The following PITPNC1 variants were observed in gnomAD, a reference collection of about 807,000 sequenced individuals.
PITPNC1 encodes the protein phosphatidylinositol transfer protein cytoplasmic 1, also known as cytoplasmic phosphatidylinositol transfer protein 1.
In PITPNC1, 18 loss-of-function variants were observed where a neutral mutation model predicts 44.7. The ratio of observed to expected loss-of-function variants is 0.40; its 90% CI spans 0.28 to 0.60. PITPNC1 has a LOEUF of 0.60. Among genes scored for constraint, PITPNC1 ranks in the 20% least tolerant of loss-of-function variants. PITPNC1 has a pLI of 0.39. For synonymous variants in PITPNC1, 141 were observed against 149.6 expected (o/e 0.94, Z 0.42); for missense variants, 290 against 418.4 (o/e 0.69, Z 2.68).
chr17:67,640,015 G>T (rs1221820349), intron 6 of PITPNC1, among the ~76,000 whole-genome samples: 1 of 152,086 alleles, frequency 6.6e-6, no homozygotes, highest in East Asian at 1.9e-4. Flanking sequence ...CTAATGGCCA[G>T]ATTTAACACA....
chr17:67,462,813 C>A (rs996762713), intron 1 of PITPNC1, among the ~76,000 whole-genome samples: 11 of 151,320 alleles, frequency 7.3e-5, no homozygotes, highest in African/African-American at 2.7e-4. Context: ...AGCGATTCTC[C>A]TGCCTCAGCC....
intron 1 of PITPNC1, among the ~76,000 whole-genome samples, chr17:67,476,831 T>C (rs1224398310): frequency 6.6e-6 from 1 of 152,032 alleles, no homozygotes; most frequent in African/African-American, 2.4e-5. Flanking sequence ...TCCTGGGCTG[T>C]GATTCTAACC....
At chr17:67,440,624 C>T (rs762568312) in intron 1 of PITPNC1, among the ~76,000 whole-genome samples, 5 of 151,672 alleles carry the variant, frequency 3.3e-5, no homozygotes, top group African/African-American at 7.3e-5. Context: ...CTCTACCTCT[C>T]CAAGCTTGGG....
chr17:67,553,829 C>T (rs536547551), intron 4 of PITPNC1, among the ~76,000 whole-genome samples: 3 of 152,290 alleles, frequency 2.0e-5, no homozygotes, highest in East Asian at 1.9e-4. Context: ...TAATTGAAAT[C>T]GCCTTGATAG....
At chr17:67,478,093 C>T (rs1215019450) in intron 1 of PITPNC1, among the ~76,000 whole-genome samples, 2 of 152,132 alleles carry the variant, frequency 1.3e-5, no homozygotes, top group Non-Finnish European at 2.9e-5. Flanking sequence ...GAGGCAGTGC[C>T]TTTTCCTCTT....
intron 1 of PITPNC1, among the ~76,000 whole-genome samples, chr17:67,431,161 C>A (rs1046923452): frequency 1.3e-5 from 2 of 150,656 alleles, no homozygotes; most frequent in Non-Finnish European, 2.9e-5. Flanking sequence ...CGGGTTCAAG[C>A]GATTCTCATG....
At position 67,443,896 on chromosome 17, in the gene PITPNC1, A is replaced by G. The variant is rs2039054727; in HGVS notation, c.48+65694A>G. 4.6e-5 allele frequency among the ~76,000 whole-genome samples: 7 copies of G among 151,914 alleles called. 1 individual carries two copies. Among genetic ancestry groups the G allele is most frequent in the Admixed American group, 4.6e-4 (7 of 15,216 alleles). Reference sequence around the variant, plus strand: ...GTGATCTGCCTGCCTCAGCCTCCCAAAGTGCTGGGATTACAGGCGTGAGTC... The same window carrying G: ...GTGATCTGCCTGCCTCAGCCTCCCAGAGTGCTGGGATTACAGGCGTGAGTC... On this transcript the variant is annotated intron_variant, in intron 1 of 8. Transcript: ENST00000581322.
At chr17:67,563,465 C>T (rs1418311329) in intron 4 of PITPNC1, among the ~76,000 whole-genome samples, 3 of 152,130 alleles carry the variant, frequency 2.0e-5, no homozygotes, top group Admixed American at 6.6e-5. Context: ...ATGTTAGGCC[C>T]GTTGTAAAGT....
rs2642058 is a variant in PITPNC1 at position 67,597,479 on chromosome 17, G to A, written c.366+19222G>A. ...TGAGGCAGGAGAATCACTTGAATAC[G>A]GGAGGTGGAGGTTGCAGTGAGCTGA... On this transcript the variant is annotated intron_variant, in intron 5 of 8. Coordinates refer to ENST00000581322, the MANE Select transcript of PITPNC1 (RefSeq NM_012417.4). The surrounding 1 kb of genome is among the most constrained non-coding windows in gnomAD (Gnocchi z 4.0). Among the ~76,000 whole-genome samples the A allele has an allele frequency of 0.34, 51,589 of 151,886 alleles. 9,272 individuals are homozygous for A. The highest frequency in any genetic ancestry group is 0.46 in the East Asian group (2,351 of 5,110).
chr17:67,383,486 C>T (rs186270164), intron 1 of PITPNC1, among the ~76,000 whole-genome samples: 3 of 152,190 alleles, frequency 2.0e-5, no homozygotes, highest in Non-Finnish European at 4.4e-5. Flanking sequence ...AACCTTGTGT[C>T]TGCTTAGCGG....
chr17:67,442,404 G>C (rs2039028984), intron 1 of PITPNC1, among the ~76,000 whole-genome samples: 1 of 151,064 alleles, frequency 6.6e-6, no homozygotes, highest in African/African-American at 2.4e-5. Context: ...ATGAGGTGGT[G>C]GGAGATGACG....
chr17:67,416,001 A>C (rs1343157886), intron 1 of PITPNC1, among the ~76,000 whole-genome samples: 1 of 152,150 alleles, frequency 6.6e-6, no homozygotes, highest in African/African-American at 2.4e-5. Flanking sequence ...GTTAGGTTGA[A>C]GAACAATTGT....
chr17:67,409,990 CGTGA>C (rs1244642012), intron 1 of PITPNC1, among the ~76,000 whole-genome samples: 19 of 152,300 alleles, frequency 1.2e-4, no homozygotes, highest in South Asian at 6.2e-4. Context: ...AACGTGCGTG[CGTGA>C]GTTTCTCTCC....
At chr17:67,430,057 G>C (rs73996715) in intron 1 of PITPNC1, among the ~76,000 whole-genome samples, 1,855 of 152,268 alleles carry the variant, frequency 0.012, 44 homozygotes, top group African/African-American at 0.043. Flanking sequence ...TAATTTTTCT[G>C]AACTTCTTTT....
At chr17:67,511,993 T>C (rs1292673282) in intron 1 of PITPNC1, among the ~76,000 whole-genome samples, 1 of 152,238 alleles carries the variant, frequency 6.6e-6, no homozygotes, top group Non-Finnish European at 1.5e-5. Flanking sequence ...CCTGGTCTCC[T>C]GCTGATGATG....
intron 6 of PITPNC1, among the ~76,000 whole-genome samples, chr17:67,639,360 G>C (rs1315783399): frequency 1.3e-5 from 2 of 152,164 alleles, no homozygotes; most frequent in Non-Finnish European, 2.9e-5. Flanking sequence ...GATTATGTCA[G>C]CCCTCAAAGG....
At chr17:67,664,216 C>T (rs780429506) in intron 6 of PITPNC1, among the ~76,000 whole-genome samples, 12 of 152,266 alleles carry the variant, frequency 7.9e-5, no homozygotes, top group East Asian at 3.9e-4. Flanking sequence ...CCACCCACCT[C>T]GGCTTCCCAA....
chr17:67,629,189 A>T (rs2041932883), intron 5 of PITPNC1, among the ~76,000 whole-genome samples: 1 of 141,932 alleles, frequency 7.0e-6, no homozygotes, highest in South Asian at 2.2e-4. Context: ...AACCTTTTTA[A>T]CTACTTTTGT....
At chr17:67,573,655 C>T (rs904281633) in intron 4 of PITPNC1, among the ~76,000 whole-genome samples, 3 of 148,660 alleles carry the variant, frequency 2.0e-5, no homozygotes, top group Non-Finnish European at 4.4e-5. Flanking sequence ...CCCCGCCTCC[C>T]GGGTTCAAGC....
Sources: gnomAD v4.1 joint callset for allele counts (sites outside exome capture counted in the v4.1 genomes callset) on GRCh38, gnomAD v4.1.1 for gene constraint, Gnocchi (gnomAD v3.1) non-coding constraint, MANE v1.5 for transcripts, NCBI Gene and HGNC (gene_info 2026-07-23, HGNC 2026-07-21) for gene names.